Variants in RETREG1 observed in about 807,000 individuals in gnomAD.
The protein encoded by RETREG1 is family with sequence similarity 134 member B.
Under a neutral mutation model 54.8 loss-of-function variants are expected in RETREG1, and 44 were observed. That is an observed-to-expected ratio of 0.80 (90% CI 0.63 to 1.03). The LOEUF is 1.03. Ranked by LOEUF, RETREG1 falls within the 50% of genes least tolerant of loss-of-function variation. RETREG1 has a pLI of 0.00. For missense variants in RETREG1, 554 were observed against 605.1 expected (o/e 0.92, Z 0.89); for synonymous variants, 217 against 238.5 (o/e 0.91, Z 0.83).
At chr5:16,577,092 G>A (rs1164951060) in intron 1 of RETREG1, among the ~76,000 whole-genome samples, 2 of 152,010 alleles carry the variant, frequency 1.3e-5, no homozygotes, top group African/African-American at 4.8e-5. Context: ...GTCATCTGCT[G>A]AAATTGGCAG....
At chr5:16,587,142 G>A (rs1449321499) in intron 1 of RETREG1, among the ~76,000 whole-genome samples, 1 of 152,186 alleles carries the variant, frequency 6.6e-6, no homozygotes. Context: ...TGCTGAAAAG[G>A]CTTCTGAGAA....
At chr5:16,528,452 G>T (rs530905820) in intron 3 of RETREG1, among the ~76,000 whole-genome samples, 1 of 152,124 alleles carries the variant, frequency 6.6e-6, no homozygotes, top group African/African-American at 2.4e-5. Context: ...AGGTCACCTT[G>T]TGATGGATAT....
In RETREG1 at chr5:16,474,889, G is replaced by C. The variant is rs1339247126; in HGVS notation, c.1346C>G (p.Thr449Ser). ...TAGTTCAAAGTCATCACCTTCTTCA[G>C]TGTCTGTGTCCTCTTCTGGGATGGG... Reference protein sequence around the residue: ...AAPIPEEDTDTEEGDDFELLD... With the variant: ...AAPIPEEDTDSEEGDDFELLD... The change falls in exon 9 of 9, where the codon ACT (threonine) becomes AGT (serine). Residue 449 changes from threonine to serine, a missense_variant. Thr to Ser is a moderately conservative substitution (Grantham distance 58, BLOSUM62 1). This residue lies in a region of RETREG1 where 347 missense variants were observed against 412.3 expected (regional missense o/e 0.84). Transcript: ENST00000306320. The C allele has an allele frequency of 9.3e-6, 15 of 1,613,870 alleles. No homozygotes were observed. The highest frequency in any genetic ancestry group is 1.3e-5 in the Non-Finnish European group (15 of 1,179,946).
chr5:16,483,599 A>T, intron 3 of RETREG1, 127 bp from the exon 4 acceptor site: 1 of 927,408 alleles, frequency 1.1e-6, no homozygotes, highest in Middle Eastern at 2.9e-4. Context: ...CTGTGAATTC[A>T]GAAGGGAACT....
rs1489773269 is a variant in RETREG1, at chr5:16,597,054, C to A, written c.320+19598G>T. ...GTCAGACAACAGAAAAATGCATCTA[C>A]ACCAAAGGACGTGGAAAGAATCCTG... On this transcript the variant is annotated intron_variant, in intron 1 of 8. Coordinates refer to ENST00000306320, the MANE Select transcript of RETREG1 (RefSeq NM_001034850.3). The surrounding 1 kb of genome is among the most constrained non-coding windows in gnomAD (Gnocchi z 4.3). Among the ~76,000 whole-genome samples the A allele has an allele frequency of 1.3e-5, 2 of 152,198 alleles. No homozygotes were observed. The highest frequency in any genetic ancestry group is 4.8e-5 in the African/African-American group (2 of 41,444).
chr5:16,559,721 C>A (rs1741805493), intron 3 of RETREG1, among the ~76,000 whole-genome samples: 1 of 152,144 alleles, frequency 6.6e-6, no homozygotes. Context: ...AAAACCTGGC[C>A]AAACTGAAAA....
At position 16,561,225 on chromosome 5, in the gene RETREG1, C is replaced by A. The variant is rs1741845704; in HGVS notation, c.458+4538G>T. ...TATAAACGGTACTTCCCGCCGGGCG[C>A]AGTGGCTCACACCTGTAATCCCAGC... On this transcript the variant is annotated intron_variant, in intron 3 of 8. Coordinates refer to ENST00000306320, the MANE Select transcript of RETREG1 (RefSeq NM_001034850.3). The surrounding 1 kb of genome is among the most constrained non-coding windows in gnomAD (Gnocchi z 4.2). 6.6e-6 allele frequency among the ~76,000 whole-genome samples: 1 copy of A among 152,186 alleles called. No homozygotes were observed. The highest frequency in any genetic ancestry group is 2.1e-4 in the South Asian group (1 of 4,830).
intron 1 of RETREG1, among the ~76,000 whole-genome samples, chr5:16,582,889 T>C (rs1446802200): frequency 6.6e-6 from 1 of 152,200 alleles, no homozygotes; most frequent in African/African-American, 2.4e-5. Context: ...TAAGCCAGCA[T>C]CTTCCCTCTC....
chr5:16,576,556 G>C (rs1418347748), intron 1 of RETREG1, among the ~76,000 whole-genome samples: 3 of 152,086 alleles, frequency 2.0e-5, no homozygotes, highest in Non-Finnish European at 4.4e-5. Flanking sequence ...CACGATCTCG[G>C]CTCACCGCAA....
intron 3 of RETREG1, among the ~76,000 whole-genome samples, chr5:16,486,411 A>C (rs895026318): frequency 9.8e-5 from 15 of 152,364 alleles, no homozygotes; most frequent in African/African-American, 3.6e-4. Flanking sequence ...ATAGGAACTC[A>C]CATTTCTATA....
At chr5:16,555,327 A>G (rs2617423) in intron 3 of RETREG1, among the ~76,000 whole-genome samples, 108,229 of 151,706 alleles carry the variant, frequency 0.71, 40,364 homozygotes, top group Non-Finnish European at 0.83. Flanking sequence ...ACATTTCTGT[A>G]TTTTAGTAGA....
At chr5:16,523,981 G>C (rs74386166) in intron 3 of RETREG1, among the ~76,000 whole-genome samples, 6,086 of 152,134 alleles carry the variant, frequency 0.04, 415 homozygotes, top group African/African-American at 0.14. Flanking sequence ...CTCTGCCTCA[G>C]CGCCCCTCTC....
intron 3 of RETREG1, among the ~76,000 whole-genome samples, chr5:16,491,413 A>G (rs1739241866): frequency 2.6e-5 from 4 of 152,250 alleles, no homozygotes; most frequent in Admixed American, 2.6e-4. Flanking sequence ...TTCAGTAGCT[A>G]ACAGAGCTTG....
intron 3 of RETREG1, among the ~76,000 whole-genome samples, chr5:16,524,020 G>A (rs1304504257): frequency 1.3e-5 from 2 of 152,064 alleles, no homozygotes; most frequent in African/African-American, 4.8e-5. Context: ...CCCCTCAACT[G>A]GTCCAACCCT....
intron 3 of RETREG1, among the ~76,000 whole-genome samples, chr5:16,512,533 GT>G (rs1740211963): frequency 6.6e-6 from 1 of 150,988 alleles, no homozygotes; most frequent in Non-Finnish European, 1.5e-5. Flanking sequence ...AAAGCTAAAC[GT>G]TCACCTTTCT....
At chr5:16,568,275 T>C (rs1265829852) in intron 2 of RETREG1, among the ~76,000 whole-genome samples, 1 of 4,652 alleles carries the variant, frequency 2.1e-4, no homozygotes, top group East Asian at 3.8e-3. Flanking sequence ...TATCACTGAC[T>C]TTTTTTTTTT....
At chr5:16,519,393 T>C (rs1273280896) in intron 3 of RETREG1, among the ~76,000 whole-genome samples, 1 of 152,216 alleles carries the variant, frequency 6.6e-6, no homozygotes, top group African/African-American at 2.4e-5. Context: ...AGATTGCCCC[T>C]GACTCAGGTC....
At chr5:16,564,991 A>C (rs879604149) in intron 3 of RETREG1, among the ~76,000 whole-genome samples, 1 of 152,168 alleles carries the variant, frequency 6.6e-6, no homozygotes, top group Admixed American at 6.5e-5. Flanking sequence ...CAGGTTCCTC[A>C]GCCATCGTTT....
chr5:16,553,184 G>GAA (rs113353282), intron 3 of RETREG1, among the ~76,000 whole-genome samples: 3 of 151,058 alleles, frequency 2.0e-5, no homozygotes, highest in African/African-American at 7.3e-5. Context: ...GCACACTATG[G>GAA]AAAAAAAAAT....
Sources: allele counts gnomAD v4.1 joint callset (sites outside exome capture counted in the v4.1 genomes callset), GRCh38; gene constraint gnomAD v4.1.1; regional missense constraint gnomAD v4.1.1; non-coding constraint Gnocchi (gnomAD v3.1); transcripts MANE v1.5; gene names NCBI Gene and HGNC (gene_info 2026-07-23, HGNC 2026-07-21).